Variants in CAB39L observed in about 807,000 individuals in gnomAD.
CAB39L encodes calcium binding protein 39 like.
A neutral mutation model predicts 39.1 loss-of-function variants in CAB39L; 23 were observed. The observed-to-expected ratio is 0.59, with a 90% CI of 0.42 to 0.83. The LOEUF is 0.83. CAB39L is among the 40% of genes least tolerant of loss of function. The pLI is 0.00. For missense variants in CAB39L, 366 were observed against 391.9 expected (o/e 0.93, Z 0.56); for synonymous variants, 126 against 137.2 (o/e 0.92, Z 0.57).
chr13:49,397,825 A>G (rs946111383), intron 3 of CAB39L, among the ~76,000 whole-genome samples: 1 of 152,146 alleles, frequency 6.6e-6, no homozygotes, highest in Admixed American at 6.5e-5. Context: ...TCATTAAAGC[A>G]TTAGATCTTA....
Position 49,339,747 on chromosome 13 carries a change from T to A in CAB39L, c.625-5A>T. 1 of 1,574,840 alleles carries A rather than the reference T, an allele frequency of 6.3e-7. No individual in the cohort carries two copies. The highest frequency in any genetic ancestry group is 8.6e-7 in the Non-Finnish European group (1 of 1,162,052). On this transcript the variant is annotated splice_region_variant and splice_polypyrimidine_tract_variant and intron_variant, in intron 8 of 10. Transcript: ENST00000409308. ...TTTCTCATAGTCTTCAAAAATCTAA[T>A]GAAAAGAAAATACACATTAGAGTGT...
chr13:49,337,702 G>A (rs1446002076), intron 9 of CAB39L, among the ~76,000 whole-genome samples: 1 of 147,464 alleles, frequency 6.8e-6, no homozygotes, highest in African/African-American at 2.5e-5. Flanking sequence ...AACTCATCAA[G>A]GACTTCACTG....
intron 5 of CAB39L, among the ~76,000 whole-genome samples, chr13:49,365,127 A>G (rs372555405): frequency 7.3e-5 from 11 of 151,656 alleles, no homozygotes; most frequent in African/African-American, 2.4e-4. Context: ...AGAACAAAGA[A>G]TCCAGAAACA....
At chr13:49,343,252 G>A (rs1401962262) in intron 8 of CAB39L, among the ~76,000 whole-genome samples, 2 of 152,196 alleles carry the variant, frequency 1.3e-5, no homozygotes, top group Non-Finnish European at 2.9e-5. Flanking sequence ...AGGAAAACAA[G>A]TAACAACGAT....
chr13:49,328,866 T>C (rs1954581281), intron 10 of CAB39L, among the ~76,000 whole-genome samples: 2 of 152,152 alleles, frequency 1.3e-5, no homozygotes, highest in Admixed American at 6.5e-5. Context: ...TTGTGACTTT[T>C]TATTTCTTTT....
At chr13:49,362,435 T>C (rs1955661721) in intron 5 of CAB39L, among the ~76,000 whole-genome samples, 1 of 152,024 alleles carries the variant, frequency 6.6e-6, no homozygotes, top group Non-Finnish European at 1.5e-5. Context: ...ATTCTAGAGT[T>C]GAAAATGCAA....
chr13:49,357,255 A>G (rs1438612067), intron 6 of CAB39L, among the ~76,000 whole-genome samples: 2 of 152,208 alleles, frequency 1.3e-5, no homozygotes, highest in African/African-American at 4.8e-5. Flanking sequence ...TATTAGCCAT[A>G]TAACCTTGAG....
chr13:49,309,328 G>C lies in CAB39L; in HGVS notation c.*1486C>G, dbSNP rs926768907. 3 of 152,242 alleles carry C rather than the reference G, an allele frequency of 2.0e-5. No homozygotes were observed. The highest frequency in any genetic ancestry group is 7.2e-5 in the African/African-American group (3 of 41,444). The allele number at this position is 152,242 out of a possible 1,614,324, so 9.4% of individuals were successfully genotyped here. On this transcript the variant is annotated 3_prime_UTR_variant, in exon 11 of 11. Coordinates refer to ENST00000409308, the MANE Select transcript of CAB39L (RefSeq NM_001079670.3). ...AAACACACACCTGGGCCTAGCCAAG[G>C]GTGGTGCCCTGCCAGGTAACTCTTC...
chr13:49,423,915 A>G (rs1957208561), intron 3 of CAB39L, among the ~76,000 whole-genome samples: 5 of 152,272 alleles, frequency 3.3e-5, no homozygotes, highest in Admixed American at 3.3e-4. Context: ...TTTCTAAGTT[A>G]TAACTTCAAT....
intron 3 of CAB39L, among the ~76,000 whole-genome samples, chr13:49,426,366 G>C (rs1243400674): frequency 1.3e-5 from 2 of 152,150 alleles, no homozygotes; most frequent in African/African-American, 4.8e-5. Flanking sequence ...CAATGCCTTG[G>C]ATCTATCTGA....
Position 49,350,932 on chromosome 13 carries a change from G to T in CAB39L, c.396-20C>A. On this transcript the variant is annotated intron_variant, in intron 6 of 10. Transcript: ENST00000409308. ...TCATATCTAAAGCGTAAACAAGAGA[G>T]AAATAGAGAACTCTGTTATCCTATT... 6.5e-7 allele frequency: 1 copy of T among 1,542,188 alleles called. No individual in the cohort carries two copies. Among genetic ancestry groups the T allele is most frequent in the Non-Finnish European group, 8.7e-7 (1 of 1,143,144 alleles).
At chr13:49,341,616 G>C (rs918761328) in intron 8 of CAB39L, among the ~76,000 whole-genome samples, 1 of 152,066 alleles carries the variant, frequency 6.6e-6, no homozygotes, top group Admixed American at 6.6e-5. Context: ...AAGAGAGACT[G>C]GTTAACAGGT....
intron 3 of CAB39L, among the ~76,000 whole-genome samples, chr13:49,391,284 A>C (rs1956483821): frequency 6.6e-6 from 1 of 152,202 alleles, no homozygotes; most frequent in Non-Finnish European, 1.5e-5. Flanking sequence ...GGGCAAACTA[A>C]AATTACCTAA....
chr13:49,408,299 C>A (rs1180468734), intron 3 of CAB39L, among the ~76,000 whole-genome samples: 1 of 152,046 alleles, frequency 6.6e-6, no homozygotes, highest in Non-Finnish European at 1.5e-5. Flanking sequence ...ATAGGAACCA[C>A]AGGAAGAAAA....
chr13:49,354,038 T>C (rs1248070559), intron 6 of CAB39L, among the ~76,000 whole-genome samples: 2 of 152,316 alleles, frequency 1.3e-5, no homozygotes, highest in East Asian at 3.9e-4. Flanking sequence ...ATTTTCTCAT[T>C]TCTTAATTCA....
chr13:49,313,744 T>A (rs1566400074), intron 10 of CAB39L, among the ~76,000 whole-genome samples: 1 of 152,178 alleles, frequency 6.6e-6, no homozygotes, highest in South Asian at 2.1e-4. Context: ...CTCTCTGGTG[T>A]GATGGTCTGG....
chr13:49,412,523 C>A (rs1957009993), intron 3 of CAB39L, among the ~76,000 whole-genome samples: 1 of 152,130 alleles, frequency 6.6e-6, no homozygotes, highest in South Asian at 2.1e-4. Context: ...AAAATTTACA[C>A]ATGCAACTCA....
At chr13:49,387,411 C>T (rs994248453) in intron 3 of CAB39L, among the ~76,000 whole-genome samples, 3 of 152,124 alleles carry the variant, frequency 2.0e-5, no homozygotes, top group Non-Finnish European at 2.9e-5. Context: ...CAGGAAAAGA[C>T]GCATGTTAGT....
chr13:49,370,953 G>A (rs1315046065), intron 5 of CAB39L, among the ~76,000 whole-genome samples: 1 of 152,078 alleles, frequency 6.6e-6, no homozygotes, highest in Admixed American at 6.5e-5. Context: ...ACCTGAGATT[G>A]TAAATTCTTT....
Sources: gnomAD v4.1 joint callset for allele counts (sites outside exome capture counted in the v4.1 genomes callset) on GRCh38, gnomAD v4.1.1 for gene constraint, MANE v1.5 for transcripts, NCBI Gene and HGNC (gene_info 2026-07-23, HGNC 2026-07-21) for gene names.